CLVS1: variants seen among roughly 807,000 people sequenced by gnomAD.
CLVS1 encodes the protein clavesin-1.
In CLVS1, 10 loss-of-function variants were observed where a neutral mutation model predicts 33.1. That is an observed-to-expected ratio of 0.30 (90% CI 0.19 to 0.51). The LOEUF (loss-of-function observed/expected upper bound fraction) is 0.51, where lower values mean the gene tolerates loss of function less well. CLVS1 is among the 20% of genes least tolerant of loss of function. The pLI is 0.97. For missense variants in CLVS1, 343 were observed against 433.4 expected, an observed-to-expected ratio of 0.79 and a Z score of 1.85; for synonymous variants, 163 against 166.1, an observed-to-expected ratio of 0.98 and a Z score of 0.14.
intron 5 of CLVS1, among the ~76,000 whole-genome samples, chr8:61,495,906 C>T (rs995676397): frequency 6.6e-6 from 1 of 152,168 alleles, no homozygotes; most frequent in Non-Finnish European, 1.5e-5. Flanking sequence ...AACCTTGGCA[C>T]AAGAGGAATC....
the CLVS1 span, among the ~76,000 whole-genome samples, chr8:60,995,319 AAAAC>A: frequency 3.9e-5 from 6 of 152,062 alleles, no homozygotes; most frequent in East Asian, 1.9e-4. Flanking sequence ...TTACAAGAAA[AAAAC>A]AAACAACCCC....
intron 2 of CLVS1, among the ~76,000 whole-genome samples, chr8:61,324,639 G>C (rs1054791257): frequency 1.3e-5 from 2 of 152,150 alleles, no homozygotes; most frequent in African/African-American, 4.8e-5. Context: ...ATGTGGGAAA[G>C]TTTGGAACCT....
chr8:61,298,293 CA>C (rs1207855821), intron 1 of CLVS1, among the ~76,000 whole-genome samples: 2 of 152,032 alleles, frequency 1.3e-5, no homozygotes, highest in African/African-American at 4.8e-5. Flanking sequence ...TATGAGTCCT[CA>C]AAATTAGTGA....
chr8:61,028,760 A>G, the CLVS1 span, among the ~76,000 whole-genome samples: 2 of 152,194 alleles, frequency 1.3e-5, no homozygotes, highest in East Asian at 3.8e-4. Context: ...GCAAACCACT[A>G]GGACTCGGTG....
intron 2 of CLVS1, among the ~76,000 whole-genome samples, chr8:61,320,194 C>T (rs28434560): frequency 0.034 from 5,122 of 152,074 alleles, 259 homozygotes; most frequent in African/African-American, 0.11. Context: ...CTTTGATCAC[C>T]TTGTTTCAAG....
chr8:61,149,222 G>A (rs1234570831), intron 2 of CLVS1, among the ~76,000 whole-genome samples: 1 of 152,124 alleles, frequency 6.6e-6, no homozygotes, highest in Non-Finnish European at 1.5e-5. Context: ...TTGAAAGAAA[G>A]AGAGGAGAGG....
At position 61,325,223 on chromosome 8, in the gene CLVS1, TAC is replaced by T. The variant is rs1301100526; in HGVS notation, c.455+24951_455+24952del. Among the ~76,000 whole-genome samples, 6 of 149,364 alleles carry T rather than the reference TAC, an allele frequency of 4.0e-5. No individual in the cohort carries two copies. In the East Asian group the frequency reaches 8.3e-4, roughly 21 times the overall value. On this transcript the variant is annotated intron_variant, in intron 2 of 5. Transcript: ENST00000325897. ...ACACACATACACACACACACACACA[TAC>T]ACACACACAGTAACTATGTGAGGAT...
At chr8:61,397,526 A>T (rs927054895) in intron 3 of CLVS1, among the ~76,000 whole-genome samples, 49 of 152,110 alleles carry the variant, frequency 3.2e-4, no homozygotes, top group African/African-American at 9.7e-4. Context: ...TTCAATTTTC[A>T]TGAAGTTCAA....
At chr8:61,304,964 G>T (rs6990254) in intron 2 of CLVS1, among the ~76,000 whole-genome samples, 54,853 of 151,952 alleles carry the variant, frequency 0.36, 14,312 homozygotes, top group East Asian at 0.74. Context: ...GAAAAGTGAT[G>T]AAGTGCACAA....
chr8:61,282,953 G>A (rs184037887), intron 2 of CLVS1, among the ~76,000 whole-genome samples: 23 of 152,292 alleles, frequency 1.5e-4, no homozygotes, highest in African/African-American at 5.3e-4. Context: ...CAGTGATGCT[G>A]TGCAGCAATG....
At chr8:61,133,206 A>G (rs892853114) in intron 2 of CLVS1, among the ~76,000 whole-genome samples, 4 of 152,106 alleles carry the variant, frequency 2.6e-5, no homozygotes, top group African/African-American at 9.7e-5. Flanking sequence ...AAACAATGTC[A>G]ATGGAGTTCA....
chr8:61,370,267 A>T (rs934240774), intron 2 of CLVS1: 1 of 152,072 alleles, frequency 6.6e-6, no homozygotes, highest in Non-Finnish European at 1.5e-5. Flanking sequence ...GGTTACATGG[A>T]TAAGTTCTTT....
At chr8:61,208,349 G>A (rs987724122) in intron 2 of CLVS1, among the ~76,000 whole-genome samples, 2 of 152,152 alleles carry the variant, frequency 1.3e-5, no homozygotes, top group Non-Finnish European at 2.9e-5. Flanking sequence ...TAATTTTGAA[G>A]AAAGGGCTCT....
chr8:61,076,344 C>A (rs919679420), intron 1 of CLVS1, among the ~76,000 whole-genome samples: 1 of 152,188 alleles, frequency 6.6e-6, no homozygotes, highest in Non-Finnish European at 1.5e-5. Context: ...GTGGGGACCT[C>A]TTTGTCTCTC....
intron 5 of CLVS1, among the ~76,000 whole-genome samples, chr8:61,482,101 C>T (rs572480851): frequency 6.6e-6 from 1 of 152,316 alleles, no homozygotes; most frequent in East Asian, 1.9e-4. Context: ...TGGAGTGGAC[C>T]TCCAGCAAAC....
chr8:61,400,043 TA>T (rs1167628989), intron 3 of CLVS1, among the ~76,000 whole-genome samples: 1 of 152,216 alleles, frequency 6.6e-6, no homozygotes, highest in Non-Finnish European at 1.5e-5. Context: ...ATATGAATTT[TA>T]AAATAATTTT....
chr8:61,361,932 G>A (rs116285908), intron 2 of CLVS1, among the ~76,000 whole-genome samples: 1 of 152,178 alleles, frequency 6.6e-6, no homozygotes, highest in Non-Finnish European at 1.5e-5. Flanking sequence ...AGGAACAAAT[G>A]AGAATTTGTA....
At chr8:61,070,394 T>G (rs1259705444) in intron 1 of CLVS1, among the ~76,000 whole-genome samples, 1 of 152,244 alleles carries the variant, frequency 6.6e-6, no homozygotes, top group Non-Finnish European at 1.5e-5. Flanking sequence ...AAGTTATCCT[T>G]TTTGTTTTAT....
chr8:61,256,838 C>G (rs189701226), intron 2 of CLVS1, among the ~76,000 whole-genome samples: 3 of 152,118 alleles, frequency 2.0e-5, no homozygotes, highest in Non-Finnish European at 2.9e-5. Context: ...ATCACTAGAG[C>G]CTTGCCATGT....
Sources: allele counts gnomAD v4.1 joint callset (sites outside exome capture counted in the v4.1 genomes callset), GRCh38; gene constraint gnomAD v4.1.1; transcripts MANE v1.5; gene names NCBI Gene and HGNC (gene_info 2026-07-23, HGNC 2026-07-21).